BBS4: variants seen among roughly 807,000 people sequenced by gnomAD.
BBS4 encodes the protein Bardet-Biedl syndrome 4.
Under a neutral mutation model 71.4 loss-of-function variants are expected in BBS4, and 58 were observed. The observed-to-expected ratio is 0.81, with a 90% CI of 0.66 to 1.01. The LOEUF (loss-of-function observed/expected upper bound fraction) is 1.01. Ranked by LOEUF, BBS4 falls within the 50% of genes least tolerant of loss-of-function variation. BBS4 has a pLI of 0.00. For missense variants in BBS4, 660 were observed against 607.9 expected (o/e 1.09, Z -0.90); for synonymous variants, 228 against 216.8 (o/e 1.05, Z -0.46).
At chr15:72,737,413 C>A in intron 15 of BBS4, 65 bp from the exon 16 acceptor site, 2 of 1,409,652 alleles carry the variant, frequency 1.4e-6, no homozygotes, top group Non-Finnish European at 2.0e-6. Flanking sequence ...ACTCTAACAG[C>A]AAAAAAGAAT....
At chr15:72,734,109 T>C (rs62017593) in intron 12 of BBS4, among the ~76,000 whole-genome samples, 18,829 of 152,234 alleles carry the variant, frequency 0.12, 1,860 homozygotes, top group East Asian at 0.51. Context: ...AATGGGATTG[T>C]ATTCTTCTTG....
intron 10 of BBS4, 26 bp from the exon 11 acceptor site, chr15:72,731,279 T>C (rs758464065): frequency 6.2e-7 from 1 of 1,613,936 alleles, no homozygotes; most frequent in Admixed American, 1.7e-5. Flanking sequence ...AATGACTGAA[T>C]GACTTTCTCT....
chr15:72,725,565 A>G (rs1672364443), intron 8 of BBS4, among the ~76,000 whole-genome samples: 1 of 152,128 alleles, frequency 6.6e-6, no homozygotes, highest in South Asian at 2.1e-4. Flanking sequence ...GTTTTCAGAG[A>G]TATTATTAGG....
intron 1 of BBS4, chr15:72,686,556 G>A (rs756547825): frequency 1.3e-5 from 19 of 1,460,120 alleles, no homozygotes; most frequent in East Asian, 3.0e-5. Flanking sequence ...TGTCTCGGGG[G>A]TTTGGAAGGT....
chr15:72,735,070 T>G (rs1300267497), intron 12 of BBS4, 43 bp from the exon 13 acceptor site: 1 of 1,488,726 alleles, frequency 6.7e-7, no homozygotes, highest in Non-Finnish European at 9.4e-7. Context: ...TCCTTTTGTC[T>G]TCTAAGCTGA....
intron 2 of BBS4, among the ~76,000 whole-genome samples, chr15:72,696,935 T>A (rs1157813340): frequency 6.6e-6 from 1 of 151,054 alleles, no homozygotes; most frequent in Non-Finnish European, 1.5e-5. Context: ...TAATGTTTGT[T>A]TGTTGGTTTG....
chr15:72,728,872 G>T (rs143980550), intron 9 of BBS4, among the ~76,000 whole-genome samples: 3 of 152,130 alleles, frequency 2.0e-5, no homozygotes, highest in Non-Finnish European at 4.4e-5. Flanking sequence ...CTCCAGCCCT[G>T]CCTCTGTGGT....
intron 2 of BBS4, among the ~76,000 whole-genome samples, chr15:72,704,841 C>G (rs1350632445): frequency 6.7e-6 from 1 of 149,424 alleles, no homozygotes; most frequent in Non-Finnish European, 1.5e-5. Context: ...GATCGCGCCA[C>G]TGCACTCCGG....
intron 1 of BBS4, among the ~76,000 whole-genome samples, chr15:72,690,981 T>A (rs1181532751): frequency 6.6e-6 from 1 of 152,188 alleles, no homozygotes; most frequent in Non-Finnish European, 1.5e-5. Flanking sequence ...AGATTTTTTA[T>A]ATGTTTATTT....
chr15:72,703,058 G>A (rs1386176661), intron 2 of BBS4, among the ~76,000 whole-genome samples: 1 of 151,500 alleles, frequency 6.6e-6, no homozygotes, highest in East Asian at 1.9e-4. Context: ...TGATCCGCCC[G>A]CCTCGGCCTC....
chr15:72,702,004 A>ATTT (rs773147738), intron 2 of BBS4, among the ~76,000 whole-genome samples: 1 of 142,014 alleles, frequency 7.0e-6, no homozygotes, highest in Non-Finnish European at 1.5e-5. Flanking sequence ...GGCCCAGCTA[A>ATTT]TTTTTTTTTT....
chr15:72,720,330 A>G (rs1163293733), intron 6 of BBS4, among the ~76,000 whole-genome samples: 1 of 151,672 alleles, frequency 6.6e-6, no homozygotes, highest in Non-Finnish European at 1.5e-5. Flanking sequence ...GGAAAAAAAA[A>G]TAAAAATTAG....
chr15:72,695,812 C>G (rs984731336), intron 2 of BBS4, among the ~76,000 whole-genome samples: 1 of 152,088 alleles, frequency 6.6e-6, no homozygotes, highest in Non-Finnish European at 1.5e-5. Flanking sequence ...TGTGAAGTTC[C>G]AGGTATCTTT....
At chr15:72,734,953 T>C in intron 12 of BBS4, 160 bp from the exon 13 acceptor site, 2 of 663,734 alleles carry the variant, frequency 3.0e-6, no homozygotes, top group Non-Finnish European at 5.6e-6. Context: ...ACTGATTGAC[T>C]GTAGAAGAGA....
Position 72,735,912 on chromosome 15 carries a change from G to T in BBS4, c.1194G>T (p.Met398Ile). 6.2e-7 allele frequency: 1 copy of T among 1,614,086 alleles called. No individual in the cohort carries two copies. ...KKNALAQYQE[M>I]EKKVSLLKDN... ...ACGCCCTGGCCCAATATCAGGAGATGGAGAAGAAAGTCAGCCTACTCAAGG... is the reference window on the plus strand; with the variant it reads ...ACGCCCTGGCCCAATATCAGGAGATTGAGAAGAAAGTCAGCCTACTCAAGG... Residue 398 changes from methionine (M) to isoleucine (I), a missense_variant, in exon 14 of 16, where the codon ATG becomes ATT. Transcript: ENST00000268057.
At chr15:72,722,316 TGTAAC>T (rs2065591694) in intron 6 of BBS4, among the ~76,000 whole-genome samples, 1 of 152,212 alleles carries the variant, frequency 6.6e-6, no homozygotes, top group Non-Finnish European at 1.5e-5. Flanking sequence ...ATTTAGTACT[TGTAAC>T]TAACTAGCTC....
At chr15:72,710,195 G>GTTCTTTTTTTTTTTTTTTTTTTTTTT (rs1239689474) in intron 3 of BBS4, among the ~76,000 whole-genome samples, 2 of 103,436 alleles carry the variant, frequency 1.9e-5, no homozygotes, top group Non-Finnish European at 3.7e-5. Flanking sequence ...ATTTTGTCGA[G>GTTCTTTTTTTTTTTTTTTTTTTTTTT]TTTTTTTTTT....
chr15:72,723,602 T>A (rs2065614271), intron 7 of BBS4, among the ~76,000 whole-genome samples: 1 of 152,236 alleles, frequency 6.6e-6, no homozygotes. Flanking sequence ...TTAGTTTGTG[T>A]CAATTTGCAG....
chr15:72,731,241 A>G (rs1181094833), intron 10 of BBS4, 64 bp from the exon 11 acceptor site: 1 of 1,607,412 alleles, frequency 6.2e-7, no homozygotes, highest in African/African-American at 1.3e-5. Flanking sequence ...GACTCAGGAA[A>G]GCTGCCCCAC....
Sources: gnomAD v4.1 joint callset for allele counts (sites outside exome capture counted in the v4.1 genomes callset) on GRCh38, gnomAD v4.1.1 for gene constraint, MANE v1.5 for transcripts, NCBI Gene and HGNC (gene_info 2026-07-23, HGNC 2026-07-21) for gene names.